The following EXPH5 variants were observed in gnomAD, a reference collection of about 807,000 sequenced individuals.
The protein encoded by EXPH5 is exophilin 5.
EXPH5 carries 42 observed loss-of-function variants against 41.1 expected under a neutral mutation model. The observed-to-expected ratio is 1.02, with a 90% CI of 0.80 to 1.32. The LOEUF is 1.32. Ranked by LOEUF, EXPH5 falls within the 40% of genes most tolerant of loss-of-function variation. The probability of loss-of-function intolerance (pLI) is 0.00; values close to 1 mark genes in which losing one functional copy is unlikely to be tolerated. For missense variants in EXPH5, 2,298 were observed against 2,314.5 expected (o/e 0.99, Z 0.15); for synonymous variants, 798 against 833.5 (o/e 0.96, Z 0.73).
At chr11:108,606,950 C>G in the EXPH5 span, among the ~76,000 whole-genome samples, 2 of 152,088 alleles carry the variant, frequency 1.3e-5, no homozygotes, top group Non-Finnish European at 2.9e-5. Context: ...AAATGATGGA[C>G]TTTTCATTGT....
chr11:108,544,724 A>G (rs998607259), intron 1 of EXPH5, among the ~76,000 whole-genome samples: 9 of 152,240 alleles, frequency 5.9e-5, no homozygotes, highest in Non-Finnish European at 8.8e-5. Context: ...TGTAGACAAC[A>G]TAGAATCCTG....
intron 4 of EXPH5, among the ~76,000 whole-genome samples, chr11:108,522,194 T>C (rs188604430): frequency 6.6e-6 from 1 of 151,590 alleles, no homozygotes; most frequent in African/African-American, 2.4e-5. Flanking sequence ...TTAGTGATTT[T>C]TTTTTTTTTT....
chr11:108,539,284 A>G (rs2093899236), intron 2 of EXPH5, 98 bp from the exon 3 acceptor site: 1 of 906,284 alleles, frequency 1.1e-6, no homozygotes, highest in African/African-American at 1.7e-5. Flanking sequence ...TCTCCCTCTT[A>G]TGCAGACTAG....
chr11:108,545,677 A>G (rs2093934890), intron 1 of EXPH5, among the ~76,000 whole-genome samples: 1 of 152,018 alleles, frequency 6.6e-6, no homozygotes, highest in Non-Finnish European at 1.5e-5. Context: ...GCAAGGTGGG[A>G]GGATCAATTG....
Position 108,511,782 on chromosome 11 carries a change from T to C in EXPH5, c.3725A>G (p.Asp1242Gly), listed in dbSNP as rs200609959. ...GACCACCTCCAGACATTTTACATTA[T>C]CTTCATCACCAGAAACAGAAAACGT... ...TSTFSVSGDE[D>G]NVKCLEVVSI... The change falls in exon 6 of 6, where the codon GAT becomes GGT. Residue 1242 changes from aspartate to glycine, a missense_variant. Coordinates refer to ENST00000265843, the MANE Select transcript of EXPH5 (RefSeq NM_015065.3). The C allele has an allele frequency of 3.6e-5, 58 of 1,609,924 alleles. No individual in the cohort carries two copies. Among genetic ancestry groups the C allele is most frequent in the Non-Finnish European group, 1.8e-5 (21 of 1,179,092 alleles).
At position 108,513,112 on chromosome 11, in the gene EXPH5, T is replaced by G; in HGVS notation, c.2395A>C (p.Thr799Pro). ...SNDIKQDKRF[T>P]ENRKLGSTAS... ...GTTGAGCCAAGTTTTCTGTTTTCAG[T>G]AAACCTCTTATCTTGTTTAATGTCA... Residue 799 changes from threonine to proline, a missense_variant, in exon 6 of 6, where the codon ACT (threonine) becomes CCT (proline). Physicochemically the swap from Thr to Pro is conservative, Grantham distance 38 (BLOSUM62 -1). Coordinates refer to ENST00000265843, the MANE Select transcript of EXPH5 (RefSeq NM_015065.3). 1 of 1,610,932 alleles carries G rather than the reference T, an allele frequency of 6.2e-7. No homozygotes were observed. The highest frequency in any genetic ancestry group is 8.5e-7 in the Non-Finnish European group (1 of 1,179,174).
chr11:108,544,214 A>T (rs926169296), intron 1 of EXPH5, among the ~76,000 whole-genome samples: 1 of 152,152 alleles, frequency 6.6e-6, no homozygotes, highest in Non-Finnish European at 1.5e-5. Context: ...TCTAGAGACA[A>T]CGTCTCACTC....
At chr11:108,555,697 C>T (rs2093986643) in intron 1 of EXPH5, among the ~76,000 whole-genome samples, 1 of 152,164 alleles carries the variant, frequency 6.6e-6, no homozygotes, top group Admixed American at 6.5e-5. Context: ...CTATGCTGTT[C>T]TCATGATAGT....
At chr11:108,585,416 C>A (rs779086724) in intron 1 of EXPH5, among the ~76,000 whole-genome samples, 1 of 152,110 alleles carries the variant, frequency 6.6e-6, no homozygotes, top group African/African-American at 2.4e-5. Context: ...TGGATCAGTG[C>A]CCTTTTACAT....
At chr11:108,532,998 C>T (rs757005123) in intron 3 of EXPH5, among the ~76,000 whole-genome samples, 3 of 152,136 alleles carry the variant, frequency 2.0e-5, no homozygotes, top group South Asian at 2.1e-4. Context: ...TGTTTTGTCC[C>T]GCAGTGCTGC....
At chr11:108,603,295 G>A in the EXPH5 span, among the ~76,000 whole-genome samples, 5 of 152,158 alleles carry the variant, frequency 3.3e-5, no homozygotes, top group Admixed American at 3.3e-4. Context: ...GGTGCTAGTT[G>A]TACAACACTG....
chr11:108,596,760 G>A (rs1405800247), upstream of EXPH5, among the ~76,000 whole-genome samples: 1 of 152,208 alleles, frequency 6.6e-6, no homozygotes, highest in Non-Finnish European at 1.5e-5. Flanking sequence ...GCCCTGGGTT[G>A]TGGCACAATG....
intron 4 of EXPH5, among the ~76,000 whole-genome samples, chr11:108,524,985 C>T (rs370798983): frequency 4.6e-5 from 7 of 152,242 alleles, no homozygotes; most frequent in Middle Eastern, 6.8e-3. Context: ...ACCCAGTGGG[C>T]GATGACTGAA....
intron 1 of EXPH5, among the ~76,000 whole-genome samples, chr11:108,544,270 G>T (rs2093927437): frequency 6.6e-6 from 1 of 152,056 alleles, no homozygotes; most frequent in Non-Finnish European, 1.5e-5. Context: ...GCTCACTGAA[G>T]CCTTGACCTC....
chr11:108,583,371 CAAAAAAAAAAAT>C (rs1565835313), intron 1 of EXPH5, among the ~76,000 whole-genome samples: 2 of 132,530 alleles, frequency 1.5e-5, no homozygotes, highest in African/African-American at 5.7e-5. Flanking sequence ...GATTCTGTCT[CAAAAAAAAAAAT>C]AAAAAAAAAA....
Position 108,511,894 on chromosome 11 carries a change from G to C in EXPH5, c.3613C>G (p.Leu1205Val). ...AAAGGTAAAGGGTCTTCATTTGAAAGAGCAAATACACTTCTCCTGGAGGCA... is the reference window on the plus strand; with the variant it reads ...AAAGGTAAAGGGTCTTCATTTGAAACAGCAAATACACTTCTCCTGGAGGCA... ...MAASRRSVFA[L>V]SNEDPLPFCS... The change falls in exon 6 of 6, where the codon CTT becomes GTT. Residue 1205 changes from leucine to valine, a missense_variant. By Grantham distance (32) the Leu-to-Val change is conservative. Coordinates refer to ENST00000265843, the MANE Select transcript of EXPH5 (RefSeq NM_015065.3). 1.3e-6 allele frequency: 2 copies of C among 1,589,298 alleles called. No individual in the cohort carries two copies. The highest frequency in any genetic ancestry group is 8.5e-7 in the Non-Finnish European group (1 of 1,172,604).
chr11:108,547,399 G>A (rs1275473327), intron 1 of EXPH5, among the ~76,000 whole-genome samples: 1 of 152,010 alleles, frequency 6.6e-6, no homozygotes, highest in East Asian at 1.9e-4. Flanking sequence ...CTCTACAAAA[G>A]TAGAGAGGTC....
At chr11:108,562,177 C>T (rs1004339477) in intron 1 of EXPH5, among the ~76,000 whole-genome samples, 7 of 151,204 alleles carry the variant, frequency 4.6e-5, no homozygotes, top group Non-Finnish European at 7.4e-5. Flanking sequence ...AATTTGTTCA[C>T]AGAGGAATTC....
At chr11:108,600,051 G>A in the EXPH5 span, among the ~76,000 whole-genome samples, 2,296 of 152,336 alleles carry the variant, frequency 0.015, 49 homozygotes, top group African/African-American at 0.051. Flanking sequence ...CAAGTAAGGT[G>A]AGAAGAGACG....
Sources: gnomAD v4.1 joint callset for allele counts (sites outside exome capture counted in the v4.1 genomes callset) on GRCh38, gnomAD v4.1.1 for gene constraint, MANE v1.5 for transcripts, NCBI Gene and HGNC (gene_info 2026-07-23, HGNC 2026-07-21) for gene names.